GDPD4: variants seen among roughly 807,000 people sequenced by gnomAD.
GDPD4 encodes the protein glycerophosphodiester phosphodiesterase domain containing 4, also known as glycerophosphodiester phosphodiesterase 6.
Under a neutral mutation model 67.8 loss-of-function variants are expected in GDPD4, and 60 were observed. The observed-to-expected ratio is 0.88, with a 90% CI of 0.72 to 1.10. The LOEUF (loss-of-function observed/expected upper bound fraction) is 1.10. GDPD4 is among the 50% of genes least tolerant of loss of function. GDPD4 has a pLI of 0.00. For missense variants in GDPD4, 623 were observed against 613.9 expected, an observed-to-expected ratio of 1.01 and a Z score of -0.16; for synonymous variants, 212 against 210.9, an observed-to-expected ratio of 1.00 and a Z score of -0.04.
In GDPD4 at chr11:77,282,039, TGTC is replaced by T. The variant is rs533198360; in HGVS notation, c.54-2643_54-2641del. Among the ~76,000 whole-genome samples the T allele has an allele frequency of 1.7e-4, 26 of 152,178 alleles. No homozygotes were observed. The East Asian group carries it at 4.6e-3, about 27-fold the overall frequency. On this transcript the variant is annotated intron_variant, in intron 3 of 16. Coordinates refer to ENST00000315938, the MANE Select transcript of GDPD4 (RefSeq NM_182833.3). ...TATTAACTATACAAAACAACAATAA[TGTC>T]GTATGTGGTTGGAAAAGTATGTAGG...
chr11:77,226,435 C>T (rs1958339699), intron 16 of GDPD4, among the ~76,000 whole-genome samples: 1 of 152,108 alleles, frequency 6.6e-6, no homozygotes, highest in Non-Finnish European at 1.5e-5. Flanking sequence ...CGAGATCCCA[C>T]TCTCCCAAGC....
chr11:77,259,182 G>C (rs893701791), intron 10 of GDPD4, among the ~76,000 whole-genome samples: 14 of 152,054 alleles, frequency 9.2e-5, no homozygotes, highest in African/African-American at 3.4e-4. Flanking sequence ...ATTTTGTCAT[G>C]TTGGCCAGGC....
intron 1 of GDPD4, among the ~76,000 whole-genome samples, chr11:77,290,443 A>G (rs1401766246): frequency 6.6e-6 from 1 of 152,240 alleles, no homozygotes. Flanking sequence ...GAAAAAAAGT[A>G]GAAATCAATA....
At chr11:77,273,212 G>C (rs1959299216) in intron 5 of GDPD4, among the ~76,000 whole-genome samples, 1 of 152,108 alleles carries the variant, frequency 6.6e-6, no homozygotes, top group Non-Finnish European at 1.5e-5. Context: ...TAGGTAGAAG[G>C]GGAAGGGGTT....
At chr11:77,249,887 C>A (rs184022255) in intron 11 of GDPD4, among the ~76,000 whole-genome samples, 61 of 152,234 alleles carry the variant, frequency 4.0e-4, no homozygotes, top group African/African-American at 1.4e-3. Context: ...TATTTTCATT[C>A]ATTTCAAAAA....
chr11:77,300,747 G>A (rs1938132971), intron 1 of GDPD4, among the ~76,000 whole-genome samples: 1 of 152,042 alleles, frequency 6.6e-6, no homozygotes, highest in East Asian at 1.9e-4. Flanking sequence ...CAATTTAACT[G>A]GAAATCAGTA....
chr11:77,276,223 G>T lies in GDPD4; in HGVS notation c.148-3C>A, dbSNP rs1565538162. On this transcript the variant is annotated splice_polypyrimidine_tract_variant and splice_region_variant and intron_variant, in intron 4 of 16. Transcript: ENST00000315938. ...CAAAGCAACAAAAATCCAAGTAACTGCAAAAGCAAAGAAGAAAAAGAGAGT... is the reference window on the plus strand; with the variant it reads ...CAAAGCAACAAAAATCCAAGTAACTTCAAAAGCAAAGAAGAAAAAGAGAGT... 1.2e-6 allele frequency: 2 copies of T among 1,611,816 alleles called. No individual in the cohort carries two copies. The highest frequency in any genetic ancestry group is 1.7e-6 in the Non-Finnish European group (2 of 1,177,960).
At chr11:77,274,735 C>T (rs541899404) in intron 5 of GDPD4, among the ~76,000 whole-genome samples, 28 of 152,290 alleles carry the variant, frequency 1.8e-4, no homozygotes, top group African/African-American at 6.3e-4. Context: ...AAGGGGACCA[C>T]TCAAGAGTTT....
chr11:77,228,735 T>C (rs755254209), intron 15 of GDPD4, among the ~76,000 whole-genome samples: 10 of 152,104 alleles, frequency 6.6e-5, no homozygotes, highest in Non-Finnish European at 1.5e-4. Flanking sequence ...AAGCAGTTGT[T>C]TTCCCAGGGT....
At chr11:77,234,080 G>A (rs1958504945) in intron 13 of GDPD4, among the ~76,000 whole-genome samples, 1 of 152,072 alleles carries the variant, frequency 6.6e-6, no homozygotes, top group South Asian at 2.1e-4. Flanking sequence ...CAAATGGTAT[G>A]GCATATTGGA....
intron 1 of GDPD4, among the ~76,000 whole-genome samples, chr11:77,290,458 G>A (rs1475040405): frequency 6.6e-6 from 1 of 151,890 alleles, no homozygotes; most frequent in Non-Finnish European, 1.5e-5. Flanking sequence ...TCAATAACAA[G>A]AGAAATTTTT....
intron 13 of GDPD4, among the ~76,000 whole-genome samples, chr11:77,237,830 G>C (rs1446037891): frequency 6.6e-6 from 1 of 152,166 alleles, no homozygotes. Context: ...AGAGCTTTAA[G>C]GCTGGGCGCA....
intron 11 of GDPD4, among the ~76,000 whole-genome samples, chr11:77,248,824 C>A (rs1958831918): frequency 2.7e-5 from 4 of 150,610 alleles, no homozygotes; most frequent in Admixed American, 2.6e-4. Context: ...CAGGTTCAAG[C>A]AATTCTCCTG....
chr11:77,221,902 G>C (rs1958233123), intron 16 of GDPD4, among the ~76,000 whole-genome samples: 1 of 151,970 alleles, frequency 6.6e-6, no homozygotes, highest in South Asian at 2.1e-4. Flanking sequence ...CTTGCTTTAT[G>C]AATCTGGGTG....
chr11:77,237,376 T>C (rs996782783), intron 13 of GDPD4, among the ~76,000 whole-genome samples: 1 of 152,202 alleles, frequency 6.6e-6, no homozygotes, highest in Non-Finnish European at 1.5e-5. Flanking sequence ...ATCTAATCCT[T>C]TGTATTAGCT....
intron 1 of GDPD4, among the ~76,000 whole-genome samples, chr11:77,288,420 G>GCCA (rs1042322739): frequency 6.6e-6 from 1 of 152,064 alleles, no homozygotes; most frequent in Non-Finnish European, 1.5e-5. Context: ...CAATCGGCCT[G>GCCA]CCACCACCAC....
intron 3 of GDPD4, among the ~76,000 whole-genome samples, chr11:77,279,752 T>G (rs931721384): frequency 6.6e-6 from 1 of 152,098 alleles, no homozygotes; most frequent in Admixed American, 6.6e-5. Context: ...AAACTAATAC[T>G]TTACACTTTG....
intron 13 of GDPD4, among the ~76,000 whole-genome samples, chr11:77,234,864 G>A (rs1019389098): frequency 7.9e-5 from 12 of 152,140 alleles, no homozygotes; most frequent in African/African-American, 2.9e-4. Flanking sequence ...TAGATGCCCA[G>A]TAATGGGATT....
At chr11:77,267,916 C>CT (rs1199597499) in intron 10 of GDPD4, among the ~76,000 whole-genome samples, 5 of 151,490 alleles carry the variant, frequency 3.3e-5, no homozygotes, top group African/African-American at 9.7e-5. Flanking sequence ...AATTTTTTTT[C>CT]TTTTTTTTCC....
Sources: gnomAD v4.1 joint callset for allele counts (sites outside exome capture counted in the v4.1 genomes callset) on GRCh38, gnomAD v4.1.1 for gene constraint, MANE v1.5 for transcripts, NCBI Gene and HGNC (gene_info 2026-07-23, HGNC 2026-07-21) for gene names.